The following PDE4B variants were observed in gnomAD, a reference collection of about 807,000 sequenced individuals.
PDE4B encodes phosphodiesterase 4B.
A neutral mutation model predicts 82.2 loss-of-function variants in PDE4B; 20 were observed. That is an observed-to-expected ratio of 0.24 (90% CI 0.17 to 0.35). PDE4B has a LOEUF of 0.35. Among genes scored for constraint, PDE4B ranks in the 10% least tolerant of loss-of-function variants. The pLI, the probability that PDE4B is intolerant of heterozygous loss-of-function variation, is 1.00. For synonymous variants in PDE4B, 320 were observed against 318.9 expected, an observed-to-expected ratio of 1.00 and a Z score of -0.04; for missense variants, 655 against 907.2, an observed-to-expected ratio of 0.72 and a Z score of 3.57.
At chr1:65,955,569 C>G (rs1211374799) in intron 3 of PDE4B, among the ~76,000 whole-genome samples, 1 of 152,142 alleles carries the variant, frequency 6.6e-6, no homozygotes, top group African/African-American at 2.4e-5. Flanking sequence ...GCATGGGTAA[C>G]AGATTTGGGA....
At chr1:66,206,539 T>A (rs1240806598) in intron 3 of PDE4B, among the ~76,000 whole-genome samples, 1 of 152,196 alleles carries the variant, frequency 6.6e-6, no homozygotes, top group East Asian at 1.9e-4. Context: ...CTTCCTATTT[T>A]AAAAAAATTC....
intron 1 of PDE4B, among the ~76,000 whole-genome samples, chr1:65,869,037 G>A (rs1255947438): frequency 6.6e-6 from 1 of 152,166 alleles, no homozygotes; most frequent in Non-Finnish European, 1.5e-5. Flanking sequence ...CAGTGACAGG[G>A]AGTCACTAAT....
Position 66,155,820 on chromosome 1 carries a change from C to A in PDE4B, c.282-91640C>A, listed in dbSNP as rs531814045. 3.3e-5 allele frequency among the ~76,000 whole-genome samples: 5 copies of A among 152,252 alleles called. No homozygotes were observed. In the South Asian group the frequency reaches 6.2e-4, roughly 19 times the overall value. ...TGAGTTCTCTTTCCAACACATGAAT[C>A]AAACCATGATATTCCCTGCTTAAAA... is the stretch of plus-strand genomic sequence containing the variant. On this transcript the variant is annotated intron_variant, in intron 3 of 16. Transcript: ENST00000341517.
intron 3 of PDE4B, among the ~76,000 whole-genome samples, chr1:66,076,390 G>A (rs978619676): frequency 5.3e-5 from 8 of 152,118 alleles, no homozygotes; most frequent in African/African-American, 1.9e-4. Context: ...ATTTTCCATC[G>A]TTATATGTAG....
rs146475579 is a variant in PDE4B at position 66,029,619 on chromosome 1, A to G, written c.281+110784A>G. Among the ~76,000 whole-genome samples the G allele has an allele frequency of 5.5e-3, 835 of 152,314 alleles. 7 individuals are homozygous for G. The highest frequency in any genetic ancestry group is 6.1e-3 in the Non-Finnish European group (414 of 68,036). ...ATAGACAATACCAATATTAATTTAT[A>G]TATAGTATGTATGAATGTTACTTTT... On this transcript the variant is annotated intron_variant, in intron 3 of 16. Transcript: ENST00000341517.
At chr1:66,066,214 G>A (rs1201251432) in intron 3 of PDE4B, among the ~76,000 whole-genome samples, 1 of 151,608 alleles carries the variant, frequency 6.6e-6, no homozygotes, top group East Asian at 1.9e-4. Context: ...TCTGTGATGA[G>A]TGTTTTCATA....
intron 3 of PDE4B, among the ~76,000 whole-genome samples, chr1:66,101,336 G>A (rs1245982216): frequency 6.6e-6 from 1 of 152,020 alleles, no homozygotes; most frequent in African/African-American, 2.4e-5. Flanking sequence ...TAATCCTTTG[G>A]GTATATGTCC....
intron 1 of PDE4B, among the ~76,000 whole-genome samples, chr1:65,818,956 CA>C (rs1184907715): frequency 6.6e-6 from 1 of 152,048 alleles, no homozygotes; most frequent in Non-Finnish European, 1.5e-5. Context: ...TTAAAAACCC[CA>C]ACATAGTTTG....
chr1:66,002,303 A>G (rs927843703), intron 3 of PDE4B, among the ~76,000 whole-genome samples: 1 of 151,004 alleles, frequency 6.6e-6, no homozygotes. Context: ...AAAATTGTTT[A>G]TATAAGTCAT....
intron 3 of PDE4B, among the ~76,000 whole-genome samples, chr1:66,209,375 T>C (rs1449798646): frequency 6.6e-6 from 1 of 152,202 alleles, no homozygotes; most frequent in African/African-American, 2.4e-5. Flanking sequence ...GCAGTAATTT[T>C]CCCAGGGTTA....
intron 8 of PDE4B, among the ~76,000 whole-genome samples, chr1:66,339,796 T>A (rs1660821510): frequency 6.6e-6 from 1 of 152,092 alleles, no homozygotes; most frequent in African/African-American, 2.4e-5. Context: ...TTTTTAATAC[T>A]TTTTTCTCAT....
At chr1:65,901,164 G>T (rs797014677) in intron 1 of PDE4B, among the ~76,000 whole-genome samples, 1 of 151,984 alleles carries the variant, frequency 6.6e-6, no homozygotes, top group Non-Finnish European at 1.5e-5. Flanking sequence ...TTTTCATGAA[G>T]GGATGTTGGA....
intron 3 of PDE4B, among the ~76,000 whole-genome samples, chr1:66,151,382 C>T (rs1335946106): frequency 1.3e-5 from 2 of 152,174 alleles, no homozygotes; most frequent in Admixed American, 1.3e-4. Context: ...TCATTCATCT[C>T]CTGTCACTAT....
In PDE4B at chr1:65,995,275, A is replaced by G. The variant is rs1651475299; in HGVS notation, c.281+76440A>G. Among the ~76,000 whole-genome samples the G allele has an allele frequency of 2.0e-5, 3 of 152,140 alleles. No homozygotes were observed. In the South Asian group the frequency reaches 6.2e-4, roughly 32 times the overall value. ...AGCTCATGACTAAGTCTTTATTTAT[A>G]TTTATTTCTATTGTTTTATCTGAAT... On this transcript the variant is annotated intron_variant, in intron 3 of 16. Transcript: ENST00000341517.
chr1:66,173,853 A>C (rs1200189179), intron 3 of PDE4B, among the ~76,000 whole-genome samples: 1 of 152,102 alleles, frequency 6.6e-6, no homozygotes, highest in East Asian at 1.9e-4. Context: ...TGGTTTGATC[A>C]CTGCTCACTG....
chr1:66,006,399 A>G (rs993367134), intron 3 of PDE4B, among the ~76,000 whole-genome samples: 5 of 152,200 alleles, frequency 3.3e-5, no homozygotes, highest in African/African-American at 1.2e-4. Context: ...AGGAGAGTAT[A>G]TAGTCATTTG....
At chr1:66,274,747 G>A (rs1324361954) in intron 7 of PDE4B, among the ~76,000 whole-genome samples, 1 of 152,136 alleles carries the variant, frequency 6.6e-6, no homozygotes, top group East Asian at 1.9e-4. Context: ...GTTAGTATTG[G>A]TGTTATTAGT....
chr1:66,300,425 A>T (rs1657803239), intron 7 of PDE4B, among the ~76,000 whole-genome samples: 1 of 152,094 alleles, frequency 6.6e-6, no homozygotes, highest in African/African-American at 2.4e-5. Context: ...TTGCTCAGAG[A>T]TCGGCCAGTT....
intron 3 of PDE4B, among the ~76,000 whole-genome samples, chr1:66,175,081 A>T (rs1036415905): frequency 2.0e-5 from 3 of 152,198 alleles, no homozygotes; most frequent in South Asian, 4.1e-4. Flanking sequence ...CTCAACACAT[A>T]AGAATTACAA....
Sources: gnomAD v4.1 joint callset for allele counts (sites outside exome capture counted in the v4.1 genomes callset) on GRCh38, gnomAD v4.1.1 for gene constraint, MANE v1.5 for transcripts, NCBI Gene and HGNC (gene_info 2026-07-23, HGNC 2026-07-21) for gene names.